Variants in CDH18 observed in about 807,000 individuals in gnomAD.
CDH18 encodes cadherin 18.
In CDH18, 31 loss-of-function variants were observed where a neutral mutation model predicts 67.9. That is an observed-to-expected ratio of 0.46 (90% confidence interval 0.34 to 0.62). The LOEUF (loss-of-function observed/expected upper bound fraction) is 0.62. Among genes scored for constraint, CDH18 ranks in the 20% least tolerant of loss-of-function variants. The pLI is 0.01. For synonymous variants in CDH18, 362 were observed against 347.2 expected (o/e 1.04, Z -0.48); for missense variants, 890 against 975.5 (o/e 0.91, Z 1.17).
chr5:20,098,931 T>A (rs1746221604), intron 2 of CDH18, among the ~76,000 whole-genome samples: 1 of 152,150 alleles, frequency 6.6e-6, no homozygotes, highest in African/African-American at 2.4e-5. Flanking sequence ...TAAAATTCCA[T>A]CAACATATTC....
intron 2 of CDH18, among the ~76,000 whole-genome samples, chr5:20,066,934 T>C (rs1479247946): frequency 2.6e-5 from 4 of 151,846 alleles, no homozygotes; most frequent in Admixed American, 2.0e-4. Context: ...TCTAGTAACA[T>C]GTAAATACAT....
chr5:20,217,928 T>C (rs1284508126), intron 2 of CDH18, among the ~76,000 whole-genome samples: 2 of 151,904 alleles, frequency 1.3e-5, no homozygotes, highest in African/African-American at 2.4e-5. Flanking sequence ...ACTGACATTA[T>C]ATAATGATAA....
intron 5 of CDH18, among the ~76,000 whole-genome samples, chr5:19,612,896 T>G (rs1373334264): frequency 6.6e-6 from 1 of 151,984 alleles, no homozygotes; most frequent in Non-Finnish European, 1.5e-5. Context: ...ATCCCAGCAC[T>G]TTGGGAGGCC....
At chr5:19,671,706 A>G (rs968843143) in intron 5 of CDH18, among the ~76,000 whole-genome samples, 3 of 152,162 alleles carry the variant, frequency 2.0e-5, no homozygotes, top group Non-Finnish European at 4.4e-5. Context: ...AAACTGGATC[A>G]TGAAAAAGAA....
intron 3 of CDH18, among the ~76,000 whole-genome samples, chr5:19,754,707 C>T (rs1024082751): frequency 6.6e-6 from 1 of 152,122 alleles, no homozygotes; most frequent in African/African-American, 2.4e-5. Context: ...CTGCAATATA[C>T]ACATTCTATT....
intron 1 of CDH18, among the ~76,000 whole-genome samples, chr5:20,501,484 A>G (rs1018203): frequency 0.47 from 59,535 of 125,578 alleles, 15,171 homozygotes; most frequent in East Asian, 0.56. Context: ...TATACATATT[A>G]TATATATTTT....
At chr5:19,728,516 C>T (rs2150618025) in intron 4 of CDH18, among the ~76,000 whole-genome samples, 1 of 152,262 alleles carries the variant, frequency 6.6e-6, no homozygotes, top group Middle Eastern at 3.4e-3. Context: ...TGCCCTGTGT[C>T]ATTCTCATTC....
chr5:19,634,307 T>C (rs1561511125), intron 5 of CDH18, among the ~76,000 whole-genome samples: 1 of 152,202 alleles, frequency 6.6e-6, no homozygotes, highest in Admixed American at 6.5e-5. Context: ...AACTAGGTTG[T>C]ATTGAAAATA....
At chr5:19,849,803 TAC>T (rs951638173) in intron 2 of CDH18, among the ~76,000 whole-genome samples, 1 of 147,240 alleles carries the variant, frequency 6.8e-6, no homozygotes, top group Non-Finnish European at 1.5e-5. Flanking sequence ...TATACACGCA[TAC>T]ACACACACAC....
At chr5:20,260,403 C>T (rs1026529249) in intron 1 of CDH18, among the ~76,000 whole-genome samples, 5 of 151,922 alleles carry the variant, frequency 3.3e-5, no homozygotes, top group Admixed American at 2.0e-4. Flanking sequence ...GCTCTACTTA[C>T]GGAATTACAC....
chr5:19,623,009 A>C (rs1391238097), intron 5 of CDH18, among the ~76,000 whole-genome samples: 6 of 152,218 alleles, frequency 3.9e-5, no homozygotes, highest in Non-Finnish European at 7.3e-5. Flanking sequence ...AGACCATTAA[A>C]TCATACTATA....
chr5:20,455,487 G>C (rs10805723), intron 1 of CDH18, among the ~76,000 whole-genome samples: 106,886 of 151,776 alleles, frequency 0.7, 38,538 homozygotes, highest in Admixed American at 0.83. Context: ...AATATTTAGA[G>C]AGCAACACAC....
chr5:19,863,911 C>T (rs1785172437), intron 2 of CDH18, among the ~76,000 whole-genome samples: 1 of 152,068 alleles, frequency 6.6e-6, no homozygotes, highest in African/African-American at 2.4e-5. Context: ...GAAATAGGAA[C>T]ACTTTTACAC....
chr5:19,957,427 CTG>C (rs1026427228), intron 2 of CDH18, among the ~76,000 whole-genome samples: 1 of 151,236 alleles, frequency 6.6e-6, no homozygotes, highest in South Asian at 2.1e-4. Context: ...TTATGTATAT[CTG>C]TGTGTGTATA....
chr5:20,480,757 A>G (rs1752748473), intron 1 of CDH18, among the ~76,000 whole-genome samples: 1 of 152,130 alleles, frequency 6.6e-6, no homozygotes, highest in Non-Finnish European at 1.5e-5. Flanking sequence ...TGTTTTTTCA[A>G]TCAGCATTAC....
chr5:19,524,440 A>G (rs1048189809), intron 9 of CDH18, among the ~76,000 whole-genome samples: 1 of 151,520 alleles, frequency 6.6e-6, no homozygotes, highest in African/African-American at 2.4e-5. Flanking sequence ...TTATTTTGTT[A>G]TTACATTATT....
chr5:20,125,272 A>G (rs1748721897), intron 2 of CDH18, among the ~76,000 whole-genome samples: 1 of 143,084 alleles, frequency 7.0e-6, no homozygotes, highest in South Asian at 2.4e-4. Context: ...GTATTGGCTC[A>G]ATAATACAAC....
intron 9 of CDH18, among the ~76,000 whole-genome samples, chr5:19,524,017 T>C (rs1207938739): frequency 6.6e-6 from 1 of 151,946 alleles, no homozygotes; most frequent in African/African-American, 2.4e-5. Context: ...TTTGTAAAAA[T>C]AGAAAACAAC....
At chr5:20,549,340 A>T in intron 1 of CDH18, among the ~76,000 whole-genome samples, 1 of 152,136 alleles carries the variant, frequency 6.6e-6, no homozygotes, top group East Asian at 1.9e-4. Flanking sequence ...CTTAATAGGT[A>T]AAATACAGTT....
Sources: allele counts gnomAD v4.1 joint callset (sites outside exome capture counted in the v4.1 genomes callset), GRCh38; gene constraint gnomAD v4.1.1; transcripts MANE v1.5; gene names NCBI Gene and HGNC (gene_info 2026-07-23, HGNC 2026-07-21).